The following MAGEA10 variants were observed in gnomAD, a reference collection of about 807,000 sequenced individuals.
MAGEA10 encodes the protein MAGE family member A10.
A neutral mutation model predicts 8.6 loss-of-function variants in MAGEA10; 7 were observed. That is an observed-to-expected ratio of 0.82 (90% CI 0.46 to 1.53). The LOEUF is 1.53. MAGEA10 is among the 40% of genes most tolerant of loss of function. MAGEA10 has a pLI of 0.01. For synonymous variants in MAGEA10, 125 were observed against 107.4 expected, an observed-to-expected ratio of 1.16 and a Z score of -1.02; for missense variants, 293 against 274.0, an observed-to-expected ratio of 1.07 and a Z score of -0.49.
chrX:152,134,726 C>A lies in MAGEA10; in HGVS notation c.895G>T (p.Gly299Cys). ...SDPARYEFLW[G>C]PRAHAEIRKM... ...CTAATTTCAGCATGAGCCCTTGGACCCCACAGAAACTCATACCGTGCAGGA... is the reference window on the plus strand; with the variant it reads ...CTAATTTCAGCATGAGCCCTTGGACACCACAGAAACTCATACCGTGCAGGA... The change falls in exon 4 of 4, where the codon GGT becomes TGT. Residue 299 changes from glycine (G) to cysteine (C), a missense_variant. Gly to Cys is a radical substitution (Grantham distance 159). Transcript: ENST00000370323. 1 of 1,211,099 alleles carries A rather than the reference C, an allele frequency of 8.3e-7. No individual in the cohort carries two copies. Among genetic ancestry groups the A allele is most frequent in the African/African-American group, 1.7e-5 (1 of 57,601 alleles).
In MAGEA10 at chrX:152,135,312, A is replaced by T. The variant is rs1413167444; in HGVS notation, c.309T>A (p.Asp103Glu). Residue 103 changes from aspartate to glutamate, a missense_variant, in exon 4 of 4, where the codon GAT (aspartate) becomes GAA (glutamate). By Grantham distance (45) the Asp-to-Glu change is conservative (BLOSUM62 2). Coordinates refer to ENST00000370323, the MANE Select transcript of MAGEA10 (RefSeq NM_021048.5). ...SPSVVASLPL[D>E]QSDEGSSSQK... The stretch of plus-strand genomic sequence containing the variant: ...GGCTGCTGGAGCCCTCATCAGATTG[A>T]TCTAATGGAAGGGAAGCAACGACCG... 1 of 1,210,819 alleles carries T rather than the reference A, an allele frequency of 8.3e-7. No homozygotes were observed. The highest frequency in any genetic ancestry group is 1.8e-5 in the South Asian group (1 of 56,859).
At position 152,137,613 on chromosome X, in the gene MAGEA10, C is replaced by T. The variant is rs1471991532; in HGVS notation, c.-238-644G>A. ...CGGTGAGAAAGTGGGGGCCACTTCT[C>T]TTCCTCACCGTCCTGCCTGGGGTTC... On this transcript the variant is annotated intron_variant, in intron 1 of 3. Coordinates refer to ENST00000370323, the MANE Select transcript of MAGEA10 (RefSeq NM_021048.5). 1.2e-4 allele frequency among the ~76,000 whole-genome samples: 13 copies of T among 110,176 alleles called. No homozygotes were observed. In the South Asian group the frequency reaches 1.2e-3, roughly 10 times the overall value.
At position 152,133,859 on chromosome X, in the gene MAGEA10, G is replaced by T. The variant is rs1936604784; in HGVS notation, c.*652C>A. ...AGGCAGGAGAATCGCTTGAACCCAG[G>T]AGGCGGAAGTTGCAGTGAGCCGAGA... On this transcript the variant is annotated 3_prime_UTR_variant, in exon 4 of 4. Coordinates refer to ENST00000370323, the MANE Select transcript of MAGEA10 (RefSeq NM_021048.5). The T allele has an allele frequency of 9.2e-6, 1 of 108,859 alleles. No individual in the cohort carries two copies. Among genetic ancestry groups the T allele is most frequent in the African/African-American group, 3.4e-5 (1 of 29,743 alleles). The allele number at this position is 108,859 out of a possible 1,213,427, so 9.0% of individuals were successfully genotyped here.
rs756524377 is a variant in MAGEA10, at chrX:152,135,644, G to A, written c.-24C>T. 8.9e-7 allele frequency: 1 copy of A among 1,117,373 alleles called. No individual in the cohort carries two copies. Among genetic ancestry groups the A allele is most frequent in the African/African-American group, 1.8e-5 (1 of 54,272 alleles). 92.1% of individuals were successfully genotyped at this position (1,117,373 alleles called of 1,213,427 possible). ...ATGATGACTCTGATCAGGGTAGCAG[G>A]TGGGAGTGTGGGCAGGACTTGGGCG... is the stretch of plus-strand genomic sequence containing the variant. On this transcript the variant is annotated 5_prime_UTR_variant, in exon 4 of 4. Transcript: ENST00000370323.
chrX:152,137,743 C>T (rs1040756080), intron 1 of MAGEA10, among the ~76,000 whole-genome samples: 15 of 110,052 alleles, frequency 1.4e-4, no homozygotes, highest in African/African-American at 4.7e-4. Flanking sequence ...TGAGGCTCCA[C>T]TCCTCAGACC....
chrX:152,134,723 G>C lies in MAGEA10; in HGVS notation c.898C>G (p.Pro300Ala), dbSNP rs1936627025. 2.5e-6 allele frequency: 3 copies of C among 1,210,976 alleles called. No homozygotes were observed. In the Admixed American group the frequency reaches 6.5e-5, roughly 26 times the overall value. The change falls in exon 4 of 4, where the codon CCA becomes GCA. Residue 300 changes from proline (P) to alanine (A), a missense_variant. Coordinates refer to ENST00000370323, the MANE Select transcript of MAGEA10 (RefSeq NM_021048.5). ...TTCCTAATTTCAGCATGAGCCCTTG[G>C]ACCCCACAGAAACTCATACCGTGCA... is the stretch of plus-strand genomic sequence containing the variant. Reference protein sequence around the residue: ...DPARYEFLWGPRAHAEIRKMS... With the variant: ...DPARYEFLWGARAHAEIRKMS...
chrX:152,135,379 G>A lies in MAGEA10; in HGVS notation c.242C>T (p.Pro81Leu), dbSNP rs769440760. 11 of 1,201,497 alleles carry A rather than the reference G, an allele frequency of 9.2e-6. No homozygotes were observed. The highest frequency in any genetic ancestry group is 1.2e-5 in the Non-Finnish European group (11 of 890,997). Reference sequence around the variant, plus strand: ...TATCTGAGCACTCTGGGGAGGATTTGGTGTCTCATCATCAGCAGAAACCTC... The same window carrying A: ...TATCTGAGCACTCTGGGGAGGATTTAGTGTCTCATCATCAGCAGAAACCTC... ...PEEVSADDET[P>L]NPPQSAQIAC... Residue 81 changes from proline (P) to leucine (L), a missense_variant, in exon 4 of 4, where the codon CCA becomes CTA. Pro to Leu is a moderately conservative substitution (Grantham distance 98). Coordinates refer to ENST00000370323, the MANE Select transcript of MAGEA10 (RefSeq NM_021048.5).
In MAGEA10 at chrX:152,135,583, T is replaced by G. The variant is rs773061544; in HGVS notation, c.38A>C (p.Glu13Ala). ...CTCACTTTGGGATTGAAGATCTTCT[T>G]CAGGCATGCAGCGCTGACGCTTTGG... ...RAPKRQRCMP[E>A]EDLQSQSETQ... The change falls in exon 4 of 4, where the codon GAA (glutamate) becomes GCA (alanine). Residue 13 changes from glutamate to alanine, a missense_variant. Physicochemically the swap from Glu to Ala is moderately radical, Grantham distance 107. Transcript: ENST00000370323. 5.2e-6 allele frequency: 6 copies of G among 1,149,888 alleles called. No individual in the cohort carries two copies. Among genetic ancestry groups the G allele is most frequent in the Non-Finnish European group, 4.6e-6 (4 of 866,183 alleles). The allele number at this position is 1,149,888 out of a possible 1,213,427, so 94.8% of individuals were successfully genotyped here.
chrX:152,135,775 A>G lies in MAGEA10; in HGVS notation c.-80T>C. 1 of 425,816 alleles carries G rather than the reference A, an allele frequency of 2.3e-6. No homozygotes were observed. The highest frequency in any genetic ancestry group is 4.0e-6 in the Non-Finnish European group (1 of 247,245). The allele number at this position is 425,816 out of a possible 1,213,427, so 35.1% of individuals were successfully genotyped here. ...GGCCAACTTACAGGTCTTCTCCTTC[A>G]GTGCTGCTCTGTGGTGTCCCACAGC... is the stretch of plus-strand genomic sequence containing the variant. On this transcript the variant is annotated 5_prime_UTR_variant, in exon 3 of 4. Coordinates refer to ENST00000370323, the MANE Select transcript of MAGEA10 (RefSeq NM_021048.5).
intron 1 of MAGEA10, among the ~76,000 whole-genome samples, 155 bp downstream of exon 1, chrX:152,138,320 G>A (rs1410377010): frequency 1.0e-5 from 1 of 96,061 alleles, no homozygotes; most frequent in African/African-American, 3.8e-5. Context: ...CTTAAGCGGC[G>A]GGAGAGAGTG....
rs757511208 is a variant in MAGEA10 at position 152,135,435 on chromosome X, GGAGGAGGAGGAGGAA to G, written c.171_185del (p.Ser58_Ser62del). Reference sequence around the variant, plus strand: ...GGGTGCTTGGTATTAGAGGATAGCAGGAGGAGGAGGAGGAAGAGGAGGAGGAGGGAAAAGAGGATG... The same window carrying G: ...GGGTGCTTGGTATTAGAGGATAGCAGGAGGAGGAGGAGGGAAAAGAGGATG... On this transcript the variant is annotated inframe_deletion, in exon 4 of 4. Coordinates refer to ENST00000370323, the MANE Select transcript of MAGEA10 (RefSeq NM_021048.5). 5 of 1,153,601 alleles carry G rather than the reference GGAGGAGGAGGAGGAA, an allele frequency of 4.3e-6. No homozygotes were observed. The highest frequency in any genetic ancestry group is 2.4e-5 in the Admixed American group (1 of 40,969).
chrX:152,134,243 T>G lies in MAGEA10; in HGVS notation c.*268A>C. 1 of 314,299 alleles carries G rather than the reference T, an allele frequency of 3.2e-6. No individual in the cohort carries two copies. Among genetic ancestry groups the G allele is most frequent in the Non-Finnish European group, 5.5e-6 (1 of 180,984 alleles). 25.9% of individuals were successfully genotyped at this position (314,299 alleles called of 1,213,427 possible). ...GGTAGTGTATCCATCACCTCATGCATTTATCATTTCTTTTTGGTGACAATA... is the reference window on the plus strand; with the variant it reads ...GGTAGTGTATCCATCACCTCATGCAGTTATCATTTCTTTTTGGTGACAATA... On this transcript the variant is annotated 3_prime_UTR_variant, in exon 4 of 4. Transcript: ENST00000370323.
At chrX:152,136,456 A>T (rs1023762779) in intron 2 of MAGEA10, among the ~76,000 whole-genome samples, 37 of 109,605 alleles carry the variant, frequency 3.4e-4, no homozygotes, top group African/African-American at 1.2e-3. Flanking sequence ...ACGACCTGGG[A>T]CCCTCCCTTT....
At position 152,134,127 on chromosome X, in the gene MAGEA10, A is replaced by G. The variant is rs992749285; in HGVS notation, c.*384T>C. The stretch of plus-strand genomic sequence containing the variant: ...TTTCATAAATTAAAAAAAAACAAAA[A>G]CATAAACAAAAACTGACATGTAATT... On this transcript the variant is annotated 3_prime_UTR_variant, in exon 4 of 4. Transcript: ENST00000370323. 2 of 134,646 alleles carry G rather than the reference A, an allele frequency of 1.5e-5. No individual in the cohort carries two copies. Among genetic ancestry groups the G allele is most frequent in the African/African-American group, 6.4e-5 (2 of 31,471 alleles). 11.1% of individuals were successfully genotyped at this position (134,646 alleles called of 1,213,427 possible).
rs1219690103 is a variant in MAGEA10, at chrX:152,135,636, G to A, written c.-16C>T. ...CTCGAGGCATGATGACTCTGATCAG[G>A]GTAGCAGGTGGGAGTGTGGGCAGGA... On this transcript the variant is annotated 5_prime_UTR_variant, in exon 4 of 4. Transcript: ENST00000370323. 1 of 1,119,625 alleles carries A rather than the reference G, an allele frequency of 8.9e-7. No individual in the cohort carries two copies. 92.3% of individuals were successfully genotyped at this position (1,119,625 alleles called of 1,213,427 possible). A position where few individuals can be genotyped will look rare whatever the true frequency, so the allele number is the denominator to read the frequency against.
chrX:152,136,440 C>G (rs1012415488), intron 2 of MAGEA10, among the ~76,000 whole-genome samples: 2 of 110,926 alleles, frequency 1.8e-5, no homozygotes, highest in African/African-American at 6.6e-5. Context: ...CTTCTTGATG[C>G]CTGATACGAC....
rs1198413912 is a variant in MAGEA10, at chrX:152,133,458, A to C, written c.*1053T>G. The C allele has an allele frequency of 8.9e-6, 1 of 112,426 alleles. No homozygotes were observed. The highest frequency in any genetic ancestry group is 3.2e-5 in the African/African-American group (1 of 30,900). The allele number at this position is 112,426 out of a possible 1,213,427, so 9.3% of individuals were successfully genotyped here. ...ATTTTACTATTTTTTTCATATTTCCAAGAAAATTACTATTCCAATTCCATG... is the reference window on the plus strand; with the variant it reads ...ATTTTACTATTTTTTTCATATTTCCCAGAAAATTACTATTCCAATTCCATG... On this transcript the variant is annotated 3_prime_UTR_variant, in exon 4 of 4. Coordinates refer to ENST00000370323, the MANE Select transcript of MAGEA10 (RefSeq NM_021048.5).
At position 152,133,414 on chromosome X, in the gene MAGEA10, A is replaced by G. The variant is rs1036598220; in HGVS notation, c.*1097T>C. On this transcript the variant is annotated 3_prime_UTR_variant, in exon 4 of 4. Coordinates refer to ENST00000370323, the MANE Select transcript of MAGEA10 (RefSeq NM_021048.5). ...ATAATAAAGAAATAAAAATACTAAC[A>G]CTTAAAATTATTTTCTCTATTTTAC... 9.8e-5 allele frequency: 11 copies of G among 112,389 alleles called. No individual in the cohort carries two copies. Among genetic ancestry groups the G allele is most frequent in the Non-Finnish European group, 1.3e-4 (7 of 53,308 alleles). The allele number at this position is 112,389 out of a possible 1,213,427, so 9.3% of individuals were successfully genotyped here. A position where few individuals can be genotyped will look rare whatever the true frequency, so the allele number is the denominator to read the frequency against.
chrX:152,135,667 G>A lies in MAGEA10; in HGVS notation c.-47C>T, dbSNP rs768227548. 1 of 1,084,404 alleles carries A rather than the reference G, an allele frequency of 9.2e-7. No homozygotes were observed. Among genetic ancestry groups the A allele is most frequent in the East Asian group, 3.1e-5 (1 of 32,669 alleles). 89.4% of individuals were successfully genotyped at this position (1,084,404 alleles called of 1,213,427 possible). On this transcript the variant is annotated 5_prime_UTR_variant, in exon 4 of 4. Transcript: ENST00000370323. ...AGGTGGGAGTGTGGGCAGGACTTGGGCGATGGGGACCCACAGGCCTGGGGA... is the reference window on the plus strand; with the variant it reads ...AGGTGGGAGTGTGGGCAGGACTTGGACGATGGGGACCCACAGGCCTGGGGA...
Sources: allele counts gnomAD v4.1 joint callset (sites outside exome capture counted in the v4.1 genomes callset), GRCh38; gene constraint gnomAD v4.1.1; transcripts MANE v1.5; gene names NCBI Gene and HGNC (gene_info 2026-07-23, HGNC 2026-07-21).